The following ROBO2 variants were observed in gnomAD, a reference collection of about 807,000 sequenced individuals.
The protein encoded by ROBO2 is roundabout guidance receptor 2, also known as roundabout homolog 2.
ROBO2 carries 53 observed loss-of-function variants against 160.8 expected under a neutral mutation model. The ratio of observed to expected loss-of-function variants is 0.33; its 90% CI spans 0.26 to 0.41. ROBO2 has a LOEUF of 0.41. Ranked by LOEUF, ROBO2 falls within the 10% of genes least tolerant of loss-of-function variation. The pLI, the probability that ROBO2 is intolerant of heterozygous loss-of-function variation, is 1.00. For synonymous variants in ROBO2, 664 were observed against 611.7 expected, an observed-to-expected ratio of 1.09 and a Z score of -1.26; for missense variants, 1,577 against 1,722.4, an observed-to-expected ratio of 0.92 and a Z score of 1.49.
intron 2 of ROBO2, among the ~76,000 whole-genome samples, chr3:76,020,316 T>C (rs1054175788): frequency 7.9e-5 from 12 of 151,890 alleles, no homozygotes; most frequent in Non-Finnish European, 1.0e-4. Flanking sequence ...TTATTTTTTA[T>C]TGAATTTAAC....
rs144230294 is a variant in ROBO2, at chr3:77,508,695, G to A, written c.807-14080G>A. 1.6e-3 allele frequency among the ~76,000 whole-genome samples: 240 copies of A among 151,726 alleles called. 3 individuals carry two copies. The highest frequency in any genetic ancestry group is 5.3e-3 in the African/African-American group (218 of 41,416). Reference sequence around the variant, plus strand: ...TATTCTAAGTAAATTCTAAAGTTGTGGCAAGTTCTTTGATGTTAATATTTG... The same window carrying A: ...TATTCTAAGTAAATTCTAAAGTTGTAGCAAGTTCTTTGATGTTAATATTTG... On this transcript the variant is annotated intron_variant, in intron 5 of 25. Coordinates refer to ENST00000461745, the Ensembl canonical transcript of ROBO2.
At chr3:77,210,084 T>C (rs1290222894) in intron 2 of ROBO2, among the ~76,000 whole-genome samples, 1 of 152,162 alleles carries the variant, frequency 6.6e-6, no homozygotes, top group Non-Finnish European at 1.5e-5. Flanking sequence ...CAAGATTTTT[T>C]TCTTCTGCTT....
At chr3:77,395,715 TA>T (rs2153505525) in intron 2 of ROBO2, among the ~76,000 whole-genome samples, 1 of 152,276 alleles carries the variant, frequency 6.6e-6, no homozygotes, top group African/African-American at 2.4e-5. Context: ...GTTTAACTGA[TA>T]ATAACACTTT....
intron 21 of ROBO2, among the ~76,000 whole-genome samples, chr3:77,614,568 G>C (rs535402971): frequency 6.6e-6 from 1 of 151,934 alleles, no homozygotes; most frequent in African/African-American, 2.4e-5. Flanking sequence ...AACTCACTTA[G>C]GTAGCCTCAG....
intron 2 of ROBO2, among the ~76,000 whole-genome samples, chr3:76,074,207 G>A (rs1190852995): frequency 6.6e-6 from 1 of 152,092 alleles, no homozygotes; most frequent in Non-Finnish European, 1.5e-5. Context: ...GCGCCTGTGT[G>A]GAAATGTGAA....
At position 77,219,397 on chromosome 3, in the gene ROBO2, A is replaced by C. The variant is rs72893238; in HGVS notation, c.388+121057A>C. Among the ~76,000 whole-genome samples the C allele has an allele frequency of 7.2e-3, 1,046 of 144,658 alleles. 14 individuals are homozygous for C. The highest frequency in any genetic ancestry group is 0.024 in the African/African-American group (957 of 39,488). The allele number at this position is 144,658 out of a possible 152,430, so 94.9% of individuals were successfully genotyped here. The stretch of plus-strand genomic sequence containing the variant: ...TATTAAGCTTTATTTTATGTGTAAA[A>C]TTTTGAGAGAATCATCTTGACTGTG... On this transcript the variant is annotated intron_variant, in intron 2 of 25. Coordinates refer to ENST00000461745, the Ensembl canonical transcript of ROBO2.
intron 2 of ROBO2, among the ~76,000 whole-genome samples, chr3:76,503,971 G>A (rs62261565): frequency 0.017 from 2,623 of 152,276 alleles, 33 homozygotes; most frequent in Middle Eastern, 0.051. Flanking sequence ...TCATTATGTA[G>A]ATAACTAGAG....
At chr3:76,853,607 A>C (rs2069663913) in intron 2 of ROBO2, among the ~76,000 whole-genome samples, 1 of 152,148 alleles carries the variant, frequency 6.6e-6, no homozygotes, top group Non-Finnish European at 1.5e-5. Context: ...TTTATCAAAT[A>C]TAAAAAGTGT....
intron 2 of ROBO2, chr3:76,434,460 A>G (rs2076577180): frequency 4.5e-6 from 7 of 1,553,198 alleles, no homozygotes; most frequent in Non-Finnish European, 6.2e-6. Flanking sequence ...ACTTATGTGA[A>G]AGAAATGAAT....
At chr3:76,760,512 G>A (rs1462320729) in intron 2 of ROBO2, among the ~76,000 whole-genome samples, 1 of 151,754 alleles carries the variant, frequency 6.6e-6, no homozygotes, top group African/African-American at 2.4e-5. Flanking sequence ...GAAAACAGGT[G>A]TCACTAATCA....
rs570807865 is a variant in ROBO2 at position 77,066,753 on chromosome 3, T to G, written c.61+25907T>G. 3.3e-5 allele frequency among the ~76,000 whole-genome samples: 5 copies of G among 152,208 alleles called. No homozygotes were observed. The East Asian group carries it at 9.7e-4, about 29-fold the overall frequency. On this transcript the variant is annotated intron_variant, in intron 1 of 25. Transcript: ENST00000461745. ...AGTACAAGTAGGCAATCTAAAGAAT[T>G]TGTAGGGAATGATTGTTTAGTGTTA...
At chr3:76,155,031 C>A (rs1003273429) in intron 2 of ROBO2, among the ~76,000 whole-genome samples, 1 of 152,000 alleles carries the variant, frequency 6.6e-6, no homozygotes, top group African/African-American at 2.4e-5. Flanking sequence ...GAAAAACTGG[C>A]AGATAAAGGG....
chr3:76,273,526 T>C (rs1305366286), intron 2 of ROBO2, among the ~76,000 whole-genome samples: 1 of 152,004 alleles, frequency 6.6e-6, no homozygotes, highest in Non-Finnish European at 1.5e-5. Flanking sequence ...CTCAGGAAAC[T>C]TACAGTCATG....
At chr3:77,399,043 T>C (rs571322291) in intron 2 of ROBO2, among the ~76,000 whole-genome samples, 5 of 152,312 alleles carry the variant, frequency 3.3e-5, no homozygotes, top group African/African-American at 9.6e-5. Flanking sequence ...TGGTTCCTTA[T>C]ACAAGCCTTT....
chr3:76,335,188 T>G (rs903137904), intron 2 of ROBO2, among the ~76,000 whole-genome samples: 1 of 142,532 alleles, frequency 7.0e-6, no homozygotes, highest in African/African-American at 2.6e-5. Flanking sequence ...GTTTTTTTTT[T>G]TTTTTTTTTT....
intron 2 of ROBO2, among the ~76,000 whole-genome samples, chr3:76,506,570 A>AT (rs1355556642): frequency 2.6e-5 from 4 of 152,016 alleles, no homozygotes; most frequent in East Asian, 1.9e-4. Flanking sequence ...TCATTGCATT[A>AT]TTTTTTCTGT....
At chr3:76,576,693 T>TTTTC (rs1315867412) in intron 2 of ROBO2, among the ~76,000 whole-genome samples, 4 of 138,854 alleles carry the variant, frequency 2.9e-5, no homozygotes, top group South Asian at 4.6e-4. Flanking sequence ...GTTTAAATCA[T>TTTTC]TTTCTTTCTT....
At chr3:76,508,457 A>G (rs779722273) in intron 2 of ROBO2, among the ~76,000 whole-genome samples, 3 of 152,140 alleles carry the variant, frequency 2.0e-5, no homozygotes, top group African/African-American at 4.8e-5. Context: ...GACCTACTCA[A>G]TCTATTTTCT....
At chr3:76,001,718 T>C (rs905816256) in intron 2 of ROBO2, among the ~76,000 whole-genome samples, 1 of 152,170 alleles carries the variant, frequency 6.6e-6, no homozygotes, top group African/African-American at 2.4e-5. Context: ...TAATTGTTTA[T>C]ATTTTTAGTA....
Sources: allele counts gnomAD v4.1 joint callset (sites outside exome capture counted in the v4.1 genomes callset), GRCh38; gene constraint gnomAD v4.1.1; transcripts MANE v1.5; gene names NCBI Gene and HGNC (gene_info 2026-07-23, HGNC 2026-07-21).